CDH13: variants seen among roughly 807,000 people sequenced by gnomAD.
CDH13 encodes the protein cadherin-13.
A neutral mutation model predicts 63.8 loss-of-function variants in CDH13; 24 were observed. The ratio of observed to expected loss-of-function variants is 0.38; its 90% confidence interval spans 0.27 to 0.53. CDH13 has a LOEUF of 0.53. Ranked by LOEUF, CDH13 falls within the 20% of genes least tolerant of loss-of-function variation. The pLI is 0.85. For synonymous variants in CDH13, 503 were observed against 355.3 expected (o/e 1.42, Z -4.67); for missense variants, 1,049 against 903.1 (o/e 1.16, Z -2.07).
intron 13 of CDH13, among the ~76,000 whole-genome samples, chr16:83,794,240 CAGGAAATT>C (rs1243821342): frequency 1.3e-5 from 2 of 152,150 alleles, no homozygotes; most frequent in Non-Finnish European, 2.9e-5. Context: ...ACAGGAGCAA[CAGGAAATT>C]AACATACCAT....
chr16:82,709,412 T>C (rs1401921647), intron 1 of CDH13, among the ~76,000 whole-genome samples: 2 of 152,224 alleles, frequency 1.3e-5, no homozygotes, highest in Non-Finnish European at 2.9e-5. Flanking sequence ...GCAGTCTGTG[T>C]AGCAGACAAA....
At chr16:83,005,011 T>C (rs2151428068) in intron 2 of CDH13, among the ~76,000 whole-genome samples, 1 of 152,294 alleles carries the variant, frequency 6.6e-6, no homozygotes, top group Middle Eastern at 3.4e-3. Flanking sequence ...GGACATTGAC[T>C]AGAAGTTTCT....
At chr16:82,700,951 A>ACCACC (rs1567641690) in intron 1 of CDH13, among the ~76,000 whole-genome samples, 8 of 13,806 alleles carry the variant, frequency 5.8e-4, no homozygotes, top group Non-Finnish European at 1.2e-3. Context: ...AAGTGCTGGA[A>ACCACC]CCCGCCCCCC....
At chr16:83,737,096 G>A (rs566864321) in intron 10 of CDH13, among the ~76,000 whole-genome samples, 1 of 152,296 alleles carries the variant, frequency 6.6e-6, no homozygotes, top group African/African-American at 2.4e-5. Context: ...TTGTCTGCAG[G>A]CACGCTGGTA....
At chr16:83,411,423 A>T (rs1378919400) in intron 6 of CDH13, among the ~76,000 whole-genome samples, 1 of 152,196 alleles carries the variant, frequency 6.6e-6, no homozygotes, top group Non-Finnish European at 1.5e-5. Context: ...TCATTGCTAG[A>T]CCAAGAGCTC....
At chr16:83,533,917 G>C (rs908883361) in intron 7 of CDH13, among the ~76,000 whole-genome samples, 6 of 152,150 alleles carry the variant, frequency 3.9e-5, no homozygotes, top group Admixed American at 6.5e-5. Flanking sequence ...CACAGTGCCT[G>C]GCACGTTAAT....
At chr16:82,968,088 A>G (rs1406399455) in intron 2 of CDH13, among the ~76,000 whole-genome samples, 2 of 152,178 alleles carry the variant, frequency 1.3e-5, no homozygotes, top group East Asian at 1.9e-4. Context: ...AGCTCCCCCC[A>G]ACTTAAGAAT....
chr16:82,910,018 A>T (rs752967655), intron 2 of CDH13, among the ~76,000 whole-genome samples: 11 of 152,128 alleles, frequency 7.2e-5, no homozygotes, highest in Non-Finnish European at 1.5e-4. Context: ...TGACCACTGA[A>T]ATGTACTTGG....
rs2071849945 is a variant in CDH13, at chr16:83,425,117, A to G, written c.782-61360A>G. Among the ~76,000 whole-genome samples the G allele has an allele frequency of 2.6e-5, 4 of 152,188 alleles. No individual in the cohort carries two copies. In the South Asian group the frequency reaches 6.2e-4, roughly 24 times the overall value. On this transcript the variant is annotated intron_variant, in intron 6 of 13. Transcript: ENST00000567109. ...AGAGCTGTGATCCCACCGTTTGTCCATCGAGTTCTAAGCTATGGTATTTGT... is the reference window on the plus strand; with the variant it reads ...AGAGCTGTGATCCCACCGTTTGTCCGTCGAGTTCTAAGCTATGGTATTTGT...
At chr16:83,189,138 A>T (rs2151752884) in intron 4 of CDH13, among the ~76,000 whole-genome samples, 1 of 152,024 alleles carries the variant, frequency 6.6e-6, no homozygotes, top group South Asian at 2.1e-4. Flanking sequence ...GTGATAGATA[A>T]GGCAAAAGCG....
rs147735569 is a variant in CDH13 at position 83,081,967 on chromosome 16, A to T, written c.367-43418A>T. On this transcript the variant is annotated intron_variant, in intron 3 of 13. Transcript: ENST00000567109. ...AGGCATGCGCCACCACGCCCAGCTA[A>T]TTTTCTATTTTTAGTAGAGACGGGG... Among the ~76,000 whole-genome samples, 653 of 151,754 alleles carry T rather than the reference A, an allele frequency of 4.3e-3. 3 individuals carry two copies. Among genetic ancestry groups the T allele is most frequent in the African/African-American group, 0.015 (629 of 41,368 alleles).
At chr16:83,380,468 T>C (rs2091542042) in intron 6 of CDH13, among the ~76,000 whole-genome samples, 1 of 152,168 alleles carries the variant, frequency 6.6e-6, no homozygotes, top group Admixed American at 6.5e-5. Flanking sequence ...GTGAAACCTT[T>C]CTATCTACCT....
At chr16:83,191,522 CACACACACATATAT>C (rs1170291766) in intron 4 of CDH13, among the ~76,000 whole-genome samples, 49 of 90,046 alleles carry the variant, frequency 5.4e-4, no homozygotes, top group African/African-American at 2.4e-3. Flanking sequence ...CACACACACA[CACACACACATATAT>C]ATATATATAT....
chr16:83,313,725 A>G (rs1368291649), intron 5 of CDH13, among the ~76,000 whole-genome samples: 1 of 152,014 alleles, frequency 6.6e-6, no homozygotes, highest in Non-Finnish European at 1.5e-5. Flanking sequence ...CAAAACCTAT[A>G]ATGAATTACA....
intron 6 of CDH13, among the ~76,000 whole-genome samples, chr16:83,364,057 A>G (rs887715739): frequency 3.3e-5 from 5 of 152,206 alleles, no homozygotes; most frequent in African/African-American, 1.2e-4. Flanking sequence ...GCCGATACTC[A>G]AAGAATAAAA....
chr16:83,539,725 T>G (rs2075264126), intron 7 of CDH13, among the ~76,000 whole-genome samples: 1 of 152,202 alleles, frequency 6.6e-6, no homozygotes, highest in Admixed American at 6.5e-5. Flanking sequence ...ATTTCATAGA[T>G]GAAGCAATTG....
intron 3 of CDH13, among the ~76,000 whole-genome samples, chr16:83,086,528 G>A (rs562384559): frequency 1.0e-3 from 153 of 152,300 alleles, no homozygotes; most frequent in African/African-American, 3.4e-3. Flanking sequence ...CGGAATCCTT[G>A]TCTTTGTTAG....
rs542707233 is a variant in CDH13 at position 83,197,423 on chromosome 16, G to A, written c.484-19922G>A. Among the ~76,000 whole-genome samples, 20 of 152,238 alleles carry A rather than the reference G, an allele frequency of 1.3e-4. No individual in the cohort carries two copies. In the South Asian group the frequency reaches 3.7e-3, roughly 28 times the overall value. On this transcript the variant is annotated intron_variant, in intron 4 of 13. Coordinates refer to ENST00000567109, the MANE Select transcript of CDH13 (RefSeq NM_001257.5). ...TATGTGATTTTAGTTATTTTTAAAT[G>A]TACAATTGAATTATTATTGACTATG...
At chr16:83,172,547 T>C (rs765586170) in intron 4 of CDH13, among the ~76,000 whole-genome samples, 10 of 151,640 alleles carry the variant, frequency 6.6e-5, no homozygotes, top group African/African-American at 9.7e-5. Flanking sequence ...ATGATACATC[T>C]ATAAGCCCAA....
Sources: gnomAD v4.1 joint callset for allele counts (sites outside exome capture counted in the v4.1 genomes callset) on GRCh38, gnomAD v4.1.1 for gene constraint, MANE v1.5 for transcripts, NCBI Gene and HGNC (gene_info 2026-07-23, HGNC 2026-07-21) for gene names.